Variants in FHOD3 observed in about 807,000 individuals in gnomAD.
FHOD3 encodes the protein formin homology 2 domain containing 3.
In FHOD3, 90 loss-of-function variants were observed where a neutral mutation model predicts 173.0. That is an observed-to-expected ratio of 0.52 (90% CI 0.44 to 0.62). The LOEUF (loss-of-function observed/expected upper bound fraction) is 0.62, where lower values mean the gene tolerates loss of function less well. Ranked by LOEUF, FHOD3 falls within the 20% of genes least tolerant of loss-of-function variation. The probability of loss-of-function intolerance (pLI) is 0.00; values close to 1 mark genes in which losing one functional copy is unlikely to be tolerated. For synonymous variants in FHOD3, 828 were observed against 823.0 expected (o/e 1.01, Z -0.10); for missense variants, 1,945 against 2,034.7 (o/e 0.96, Z 0.85).
At chr18:36,405,287 G>A (rs1368817724) in intron 3 of FHOD3, among the ~76,000 whole-genome samples, 1 of 152,178 alleles carries the variant, frequency 6.6e-6, no homozygotes, top group East Asian at 1.9e-4. Context: ...ACAGCACTGG[G>A]TTATTAAATG....
At chr18:36,555,434 T>C (rs1388795109) in intron 5 of FHOD3, among the ~76,000 whole-genome samples, 1 of 151,950 alleles carries the variant, frequency 6.6e-6, no homozygotes, top group East Asian at 1.9e-4. Context: ...ATCCTTTAAA[T>C]ATACCGAGAG....
At chr18:36,484,620 G>A (rs1298948325) in intron 3 of FHOD3, among the ~76,000 whole-genome samples, 1 of 152,174 alleles carries the variant, frequency 6.6e-6, no homozygotes, top group Non-Finnish European at 1.5e-5. Flanking sequence ...CAGTTTGGGT[G>A]CTTGGTTTAG....
In FHOD3 at chr18:36,742,890, C is replaced by G. The variant is rs186862302; in HGVS notation, c.3879+34C>G. On this transcript the variant is annotated intron_variant, in intron 22 of 28. Transcript: ENST00000590592. ...TCCCCATCCCTCATCCTGTAGCCCCCCCTTGTCACAAAATCCCTGCCCAGC... is the reference window on the plus strand; with the variant it reads ...TCCCCATCCCTCATCCTGTAGCCCCGCCTTGTCACAAAATCCCTGCCCAGC... 1.1e-4 allele frequency: 176 copies of G among 1,593,832 alleles called. 1 individual carries two copies. In the East Asian group the frequency reaches 1.5e-3, roughly 13 times the overall value.
chr18:36,404,025 C>T (rs1373048407), intron 3 of FHOD3, among the ~76,000 whole-genome samples: 1 of 152,168 alleles, frequency 6.6e-6, no homozygotes, highest in Non-Finnish European at 1.5e-5. Context: ...TTTGATATCC[C>T]CTGCATACAG....
At chr18:36,352,103 A>G (rs962254284) in intron 1 of FHOD3, among the ~76,000 whole-genome samples, 11 of 152,124 alleles carry the variant, frequency 7.2e-5, no homozygotes, top group African/African-American at 2.2e-4. Flanking sequence ...CCACTTTTCA[A>G]ATGTAGCTAT....
At chr18:36,415,482 G>A (rs1354398419) in intron 3 of FHOD3, among the ~76,000 whole-genome samples, 1 of 152,158 alleles carries the variant, frequency 6.6e-6, no homozygotes, top group African/African-American at 2.4e-5. Context: ...AACCTTGTCA[G>A]CACGCAAGGA....
chr18:36,651,420 T>A (rs1216049312), intron 11 of FHOD3, among the ~76,000 whole-genome samples: 4 of 152,168 alleles, frequency 2.6e-5, no homozygotes, highest in African/African-American at 7.2e-5. Flanking sequence ...GATGGAAAGC[T>A]CTTTTTATAG....
chr18:36,313,722 C>G (rs564189763), intron 1 of FHOD3, among the ~76,000 whole-genome samples: 1 of 152,278 alleles, frequency 6.6e-6, no homozygotes, highest in South Asian at 2.1e-4. Flanking sequence ...ATGAATAAAG[C>G]TGCTCTAAAC....
At chr18:36,298,225 C>T (rs1443013164) in intron 1 of FHOD3, among the ~76,000 whole-genome samples, 1 of 150,258 alleles carries the variant, frequency 6.7e-6, no homozygotes, top group Admixed American at 6.6e-5. Context: ...CAGCTAGAGC[C>T]GGGGGCGGGC....
At chr18:36,303,477 T>TTC (rs2092008795) in intron 1 of FHOD3, among the ~76,000 whole-genome samples, 1 of 152,174 alleles carries the variant, frequency 6.6e-6, no homozygotes, top group Non-Finnish European at 1.5e-5. Flanking sequence ...ATGCGTTTTG[T>TTC]CCTCGGACTC....
At chr18:36,340,823 G>C (rs913238588) in intron 1 of FHOD3, among the ~76,000 whole-genome samples, 1 of 151,968 alleles carries the variant, frequency 6.6e-6, no homozygotes, top group African/African-American at 2.4e-5. Context: ...ATTTTTAGTA[G>C]AGACAGGGTT....
intron 2 of FHOD3, among the ~76,000 whole-genome samples, chr18:36,366,177 A>G (rs1417958877): frequency 6.6e-6 from 1 of 152,196 alleles, no homozygotes; most frequent in East Asian, 1.9e-4. Context: ...AGAACAGGAA[A>G]AAGCATCAAA....
chr18:36,317,412 C>T (rs1327621231), intron 1 of FHOD3, among the ~76,000 whole-genome samples: 1 of 152,162 alleles, frequency 6.6e-6, no homozygotes, highest in Non-Finnish European at 1.5e-5. Context: ...TAATGATTGC[C>T]ATTCTAACCG....
chr18:36,605,655 T>A (rs920195018), intron 8 of FHOD3, among the ~76,000 whole-genome samples: 37 of 149,706 alleles, frequency 2.5e-4, no homozygotes, highest in Non-Finnish European at 4.9e-4. Context: ...AAAAAAAAAA[T>A]TTGCAACCTC....
At chr18:36,575,819 A>G (rs1293776190) in intron 5 of FHOD3, among the ~76,000 whole-genome samples, 1 of 152,206 alleles carries the variant, frequency 6.6e-6, no homozygotes, top group African/African-American at 2.4e-5. Flanking sequence ...TAATGATGGT[A>G]TATGGTGACT....
intron 6 of FHOD3, among the ~76,000 whole-genome samples, chr18:36,583,566 T>C (rs2058928048): frequency 6.6e-6 from 1 of 152,106 alleles, no homozygotes; most frequent in Non-Finnish European, 1.5e-5. Context: ...CCCTTCCTCC[T>C]TTAGGGTTGT....
chr18:36,620,139 C>T (rs1357919904), intron 9 of FHOD3, among the ~76,000 whole-genome samples: 1 of 152,178 alleles, frequency 6.6e-6, no homozygotes, highest in Non-Finnish European at 1.5e-5. Flanking sequence ...ACCAAAATTC[C>T]TTCCATTGGT....
At chr18:36,612,384 C>T (rs1036121669) in intron 9 of FHOD3, among the ~76,000 whole-genome samples, 3 of 152,136 alleles carry the variant, frequency 2.0e-5, no homozygotes, top group African/African-American at 7.2e-5. Context: ...CGTTTGTCAG[C>T]GGCACCTTCA....
At chr18:36,351,081 G>T (rs987518510) in intron 1 of FHOD3, among the ~76,000 whole-genome samples, 1 of 152,050 alleles carries the variant, frequency 6.6e-6, no homozygotes, top group Non-Finnish European at 1.5e-5. Flanking sequence ...TGGATGGCTC[G>T]GGTGGTGTGT....
Sources: gnomAD v4.1 joint callset for allele counts (sites outside exome capture counted in the v4.1 genomes callset) on GRCh38, gnomAD v4.1.1 for gene constraint, MANE v1.5 for transcripts, NCBI Gene and HGNC (gene_info 2026-07-23, HGNC 2026-07-21) for gene names.